Variants in TFDP2 observed in about 807,000 individuals in gnomAD.
TFDP2 encodes transcription factor Dp-2 (E2F dimerization partner 2).
A neutral mutation model predicts 59.3 loss-of-function variants in TFDP2; 17 were observed. That is an observed-to-expected ratio of 0.29 (90% CI 0.20 to 0.43). The LOEUF (loss-of-function observed/expected upper bound fraction) is 0.43. Among genes scored for constraint, TFDP2 ranks in the 20% least tolerant of loss-of-function variants. TFDP2 has a pLI of 1.00. For missense variants in TFDP2, 391 were observed against 528.8 expected (o/e 0.74, Z 2.56); for synonymous variants, 180 against 194.7 (o/e 0.92, Z 0.63).
chr3:142,019,053 ATTTTT>A (rs62999460), intron 3 of TFDP2, among the ~76,000 whole-genome samples: 1 of 140,316 alleles, frequency 7.1e-6, no homozygotes, highest in Non-Finnish European at 1.6e-5. Context: ...TTCTTCGCAC[ATTTTT>A]TTTTTTTTTT....
At chr3:142,040,971 A>G (rs1946936947) in intron 3 of TFDP2, among the ~76,000 whole-genome samples, 1 of 152,164 alleles carries the variant, frequency 6.6e-6, no homozygotes, top group African/African-American at 2.4e-5. Context: ...ACTGTATTTG[A>G]TAATTTCCTG....
chr3:141,996,256 A>C (rs1432975535), intron 4 of TFDP2, among the ~76,000 whole-genome samples: 2 of 152,224 alleles, frequency 1.3e-5, no homozygotes, highest in Non-Finnish European at 1.5e-5. Flanking sequence ...TAATAGCTTT[A>C]GAAGTATTTT....
chr3:141,994,954 A>G, intron 5 of TFDP2, 66 bp downstream of exon 5: 1 of 1,384,638 alleles, frequency 7.2e-7, no homozygotes, highest in Non-Finnish European at 9.6e-7. Flanking sequence ...AGAAGACAAG[A>G]TAGTAAGAAA....
chr3:142,059,583 T>G (rs906687207), intron 3 of TFDP2, among the ~76,000 whole-genome samples: 2 of 152,162 alleles, frequency 1.3e-5, no homozygotes, highest in African/African-American at 4.8e-5. Flanking sequence ...TCTCCAGCTT[T>G]CTTTCTTTTT....
intron 11 of TFDP2, among the ~76,000 whole-genome samples, chr3:141,956,979 T>C (rs1366963372): frequency 7.2e-6 from 1 of 138,528 alleles, no homozygotes; most frequent in Non-Finnish European, 1.5e-5. Flanking sequence ...TCACTTCACT[T>C]CTGTGAGGAT....
intron 3 of TFDP2, among the ~76,000 whole-genome samples, chr3:142,077,183 G>C (rs539264694): frequency 6.6e-6 from 1 of 152,288 alleles, no homozygotes; most frequent in Admixed American, 6.5e-5. Context: ...GTCAGAACTT[G>C]AGTTCTGGCA....
intron 3 of TFDP2, among the ~76,000 whole-genome samples, chr3:142,090,392 A>C (rs2060960369): frequency 6.6e-6 from 1 of 152,102 alleles, no homozygotes; most frequent in South Asian, 2.1e-4. Context: ...CTGAGGTTTT[A>C]CTCTGTAACT....
intron 10 of TFDP2, among the ~76,000 whole-genome samples, chr3:141,962,105 C>T (rs1031525646): frequency 6.6e-6 from 1 of 151,802 alleles, no homozygotes; most frequent in Admixed American, 6.6e-5. Flanking sequence ...TGCATCATCA[C>T]GCTAATTTTT....
rs185837271 is a variant in TFDP2 at position 142,132,519 on chromosome 3, G to A, written c.-93+16664C>T. On this transcript the variant is annotated intron_variant, in intron 1 of 12. Coordinates refer to ENST00000489671, the MANE Select transcript of TFDP2 (RefSeq NM_001178139.2). Reference sequence around the variant, plus strand: ...TTGAGACTCTGAGAGGCTGAGGTGGGCAGATCACGAGGTCAGGAGATCAAG... The same window carrying A: ...TTGAGACTCTGAGAGGCTGAGGTGGACAGATCACGAGGTCAGGAGATCAAG... 4.8e-3 allele frequency among the ~76,000 whole-genome samples: 724 copies of A among 149,758 alleles called. 12 individuals are homozygous for A. The highest frequency in any genetic ancestry group is 0.01 in the Middle Eastern group (3 of 294).
chr3:142,121,845 G>T lies in TFDP2; in HGVS notation c.-92-20004C>A, dbSNP rs528240159. Reference sequence around the variant, plus strand: ...GAAACCCTGTCTCTACTAAAAATACGAAGTTAAAAAAAAAAAAACTTCATT... The same window carrying T: ...GAAACCCTGTCTCTACTAAAAATACTAAGTTAAAAAAAAAAAAACTTCATT... On this transcript the variant is annotated intron_variant, in intron 1 of 12. Transcript: ENST00000489671. The surrounding 1 kb of genome is among the most constrained non-coding windows in gnomAD (Gnocchi z 4.3). Among the ~76,000 whole-genome samples, 8 of 46,152 alleles carry T rather than the reference G, an allele frequency of 1.7e-4. No individual in the cohort carries two copies. The East Asian group carries it at 3.2e-3, about 18-fold the overall frequency. 30.3% of individuals were successfully genotyped at this position (46,152 alleles called of 152,430 possible). A position where few individuals can be genotyped will look rare whatever the true frequency, so the allele number is the denominator to read the frequency against.
intron 4 of TFDP2, among the ~76,000 whole-genome samples, chr3:142,005,103 A>G (rs908588559): frequency 6.6e-6 from 1 of 152,190 alleles, no homozygotes; most frequent in Middle Eastern, 3.2e-3. Context: ...GCAGGAGTGC[A>G]GTGGTGCAAA....
intron 6 of TFDP2, among the ~76,000 whole-genome samples, chr3:141,981,448 C>G (rs541394073): frequency 6.6e-6 from 1 of 152,130 alleles, no homozygotes; most frequent in Non-Finnish European, 1.5e-5. Context: ...AAATAATTTA[C>G]ATGTTCTATG....
rs1390849756 is a variant in TFDP2 at position 142,045,768 on chromosome 3, A to G, written c.83-40224T>C. On this transcript the variant is annotated intron_variant, in intron 3 of 12. Transcript: ENST00000489671. ...GCTGGGACTACAGGCAAATGCCACC[A>G]TGCCTGGCTAATTTTTGTACTTTTT... Among the ~76,000 whole-genome samples the G allele has an allele frequency of 2.0e-5, 3 of 150,416 alleles. No individual in the cohort carries two copies. The East Asian group carries it at 5.9e-4, about 30-fold the overall frequency.
At chr3:142,126,856 G>C (rs565857360) in intron 1 of TFDP2, among the ~76,000 whole-genome samples, 4 of 150,846 alleles carry the variant, frequency 2.7e-5, no homozygotes, top group East Asian at 2.0e-4. Context: ...TGAGGCAGGA[G>C]AATCGCTTGA....
chr3:142,067,096 C>A (rs1316853244), intron 3 of TFDP2, among the ~76,000 whole-genome samples: 4 of 152,120 alleles, frequency 2.6e-5, no homozygotes, highest in South Asian at 2.1e-4. Context: ...ATATGGGGAA[C>A]AAGGCAAGGA....
chr3:141,969,850 A>C (rs1939442202), intron 9 of TFDP2, among the ~76,000 whole-genome samples: 1 of 152,196 alleles, frequency 6.6e-6, no homozygotes, highest in South Asian at 2.1e-4. Flanking sequence ...CGTAAGTCAC[A>C]CACAGGGCAG....
intron 3 of TFDP2, among the ~76,000 whole-genome samples, chr3:142,069,136 G>A (rs1458020673): frequency 6.6e-6 from 1 of 151,942 alleles, no homozygotes; most frequent in African/African-American, 2.4e-5. Context: ...GGCTGGTCTC[G>A]AACTCCTGAC....
intron 9 of TFDP2, among the ~76,000 whole-genome samples, chr3:141,968,339 T>A (rs1232478327): frequency 9.5e-5 from 11 of 116,386 alleles, no homozygotes; most frequent in African/African-American, 3.3e-4. Flanking sequence ...ATATATATAA[T>A]ATATAACTAT....
intron 3 of TFDP2, among the ~76,000 whole-genome samples, chr3:142,046,518 G>C (rs892293392): frequency 7.9e-5 from 12 of 152,294 alleles, no homozygotes; most frequent in Admixed American, 3.3e-4. Context: ...AAGTACAGAG[G>C]TAATGATAAG....
Sources: gnomAD v4.1 joint callset for allele counts (sites outside exome capture counted in the v4.1 genomes callset) on GRCh38, gnomAD v4.1.1 for gene constraint, Gnocchi (gnomAD v3.1) non-coding constraint, MANE v1.5 for transcripts, NCBI Gene and HGNC (gene_info 2026-07-23, HGNC 2026-07-21) for gene names.